Variants in WASHC4 observed in about 807,000 individuals in gnomAD.
WASHC4 encodes the protein WASH complex subunit 4.
A neutral mutation model predicts 166.6 loss-of-function variants in WASHC4; 86 were observed. That is an observed-to-expected ratio of 0.52 (90% CI 0.43 to 0.62). The LOEUF is 0.62. Ranked by LOEUF, WASHC4 falls within the 20% of genes least tolerant of loss-of-function variation. The pLI is 0.00. For synonymous variants in WASHC4, 446 were observed against 451.6 expected, an observed-to-expected ratio of 0.99 and a Z score of 0.16; for missense variants, 1,262 against 1,382.4, an observed-to-expected ratio of 0.91 and a Z score of 1.38.
At chr12:105,128,007 C>T (rs774074504) in intron 13 of WASHC4, among the ~76,000 whole-genome samples, 7 of 152,128 alleles carry the variant, frequency 4.6e-5, no homozygotes, top group Non-Finnish European at 8.8e-5. Context: ...ATCACGTTAA[C>T]TTGGATAAAG....
rs1881261293 is a variant in WASHC4, at chr12:105,126,132, T to G, written c.910+5T>G. ...CAAATGTAGAAGCCAAACTTGGTAA[T>G]GTAAATCGCATTTTTTGGTTTTTGT... is the stretch of plus-strand genomic sequence containing the variant. On this transcript the variant is annotated splice_donor_5th_base_variant and intron_variant, in intron 11 of 32. Transcript: ENST00000332180. The G allele has an allele frequency of 6.2e-7, 1 of 1,612,968 alleles. No homozygotes were observed. The highest frequency in any genetic ancestry group is 1.3e-5 in the African/African-American group (1 of 75,030).
chr12:105,140,837 T>G (rs1015716515), intron 16 of WASHC4, 62 bp from the exon 17 acceptor site: 206 of 1,515,794 alleles, frequency 1.4e-4, no homozygotes, highest in Non-Finnish European at 1.7e-4. Context: ...ATCAAGAAGT[T>G]TTTCTTCTGA....
intron 28 of WASHC4, among the ~76,000 whole-genome samples, chr12:105,158,572 G>A (rs1169727918): frequency 6.6e-6 from 1 of 152,136 alleles, no homozygotes; most frequent in Non-Finnish European, 1.5e-5. Context: ...TAGATTAGGA[G>A]AATAAAGAGA....
chr12:105,157,943 T>C (rs1884280403), intron 28 of WASHC4, among the ~76,000 whole-genome samples: 1 of 152,126 alleles, frequency 6.6e-6, no homozygotes, highest in African/African-American at 2.4e-5. Flanking sequence ...AGAATATGTT[T>C]AGAAAACTGT....
intron 26 of WASHC4, among the ~76,000 whole-genome samples, chr12:105,156,134 G>GGGAT (rs1884147270): frequency 6.6e-6 from 1 of 152,218 alleles, no homozygotes; most frequent in African/African-American, 2.4e-5. Flanking sequence ...AAAGGAGCCA[G>GGGAT]GGATGACTTT....
chr12:105,132,508 C>G (rs979821870), intron 13 of WASHC4, among the ~76,000 whole-genome samples: 2 of 152,178 alleles, frequency 1.3e-5, no homozygotes, highest in Non-Finnish European at 2.9e-5. Flanking sequence ...ATAGCTTAAA[C>G]AGCTTGTGAA....
At chr12:105,150,094 A>G (rs576838024) in intron 25 of WASHC4, among the ~76,000 whole-genome samples, 11 of 152,190 alleles carry the variant, frequency 7.2e-5, no homozygotes, top group Non-Finnish European at 8.8e-5. Context: ...GCTTTCAGAT[A>G]TCTTTGTATA....
chr12:105,142,230 A>G (rs1309429165), intron 18 of WASHC4, among the ~76,000 whole-genome samples: 1 of 152,172 alleles, frequency 6.6e-6, no homozygotes, highest in Non-Finnish European at 1.5e-5. Context: ...ACAAAAGCAT[A>G]TGTGCAGAAT....
intron 13 of WASHC4, among the ~76,000 whole-genome samples, chr12:105,131,795 C>G (rs1250565224): frequency 1.3e-5 from 2 of 152,204 alleles, no homozygotes; most frequent in East Asian, 3.8e-4. Context: ...TAAGCAAAGC[C>G]ACAAAGTATG....
intron 5 of WASHC4, 70 bp from the exon 6 acceptor site, chr12:105,115,591 C>G (rs531892542): frequency 8.5e-7 from 1 of 1,179,210 alleles, no homozygotes; most frequent in South Asian, 1.3e-5. Flanking sequence ...AAAACTTTTC[C>G]CCCTTTTTTG....
Position 105,107,733 on chromosome 12 carries a change from T to G in WASHC4, c.-68T>G, listed in dbSNP as rs929644123. ...GGCCGGAAGTCACGTGCTGTGACAG[T>G]AGCTGGGGTGAGGCCGTCGTCGCCG... On this transcript the variant is annotated 5_prime_UTR_variant, in exon 1 of 33. Coordinates refer to ENST00000332180, the MANE Select transcript of WASHC4 (RefSeq NM_015275.3). 33 of 1,186,406 alleles carry G rather than the reference T, an allele frequency of 2.8e-5. No individual in the cohort carries two copies. The African/African-American group carries it at 4.9e-4, about 18-fold the overall frequency. 73.5% of individuals were successfully genotyped at this position (1,186,406 alleles called of 1,614,324 possible). A position where few individuals can be genotyped will look rare whatever the true frequency, so the allele number is the denominator to read the frequency against.
rs1463653459 is a variant in WASHC4 at position 105,169,022 on chromosome 12, G to GT, written c.*2092dup. On this transcript the variant is annotated 3_prime_UTR_variant, in exon 33 of 33. Coordinates refer to ENST00000332180, the MANE Select transcript of WASHC4 (RefSeq NM_015275.3). ...ACATTGTCAGTTCTAATGAAATTTTGTAAAAGATGGCAAGTTTGTTACCTC... is the reference window on the plus strand; with the variant it reads ...ACATTGTCAGTTCTAATGAAATTTTGTTAAAAGATGGCAAGTTTGTTACCTC... 6.6e-6 allele frequency: 1 copy of GT among 152,530 alleles called. No homozygotes were observed. Among genetic ancestry groups the GT allele is most frequent in the Admixed American group, 6.5e-5 (1 of 15,268 alleles). The allele number at this position is 152,530 out of a possible 1,614,324, so 9.4% of individuals were successfully genotyped here. A position where few individuals can be genotyped will look rare whatever the true frequency, so the allele number is the denominator to read the frequency against.
chr12:105,153,868 T>C (rs1478963548), intron 26 of WASHC4, among the ~76,000 whole-genome samples: 1 of 152,212 alleles, frequency 6.6e-6, no homozygotes, highest in Admixed American at 6.5e-5. Context: ...GTCCTTAAAA[T>C]GCTAGTCATT....
At chr12:105,159,279 G>T (rs1042678339) in intron 28 of WASHC4, among the ~76,000 whole-genome samples, 11 of 152,208 alleles carry the variant, frequency 7.2e-5, no homozygotes, top group Non-Finnish European at 1.6e-4. Context: ...AAAGCTGACT[G>T]CTAGTTGGAA....
rs552825432 is a variant in WASHC4, at chr12:105,124,715, G to C, written c.787-1289G>C. Among the ~76,000 whole-genome samples the C allele has an allele frequency of 2.0e-5, 3 of 151,958 alleles. No homozygotes were observed. In the South Asian group the frequency reaches 6.2e-4, roughly 31 times the overall value. ...AGGCTGGTCTCGAACTCCTGACCTC[G>C]TGATCTGCCCACCTCAGCCTCCCAA... On this transcript the variant is annotated intron_variant, in intron 10 of 32. Coordinates refer to ENST00000332180, the MANE Select transcript of WASHC4 (RefSeq NM_015275.3).
intron 25 of WASHC4, among the ~76,000 whole-genome samples, chr12:105,150,986 A>C (rs1179684110): frequency 6.6e-6 from 1 of 151,658 alleles, no homozygotes; most frequent in Non-Finnish European, 1.5e-5. Flanking sequence ...ACATGTGGGG[A>C]TTATGGGAAC....
intron 26 of WASHC4, among the ~76,000 whole-genome samples, chr12:105,153,501 T>C (rs1318117378): frequency 6.6e-6 from 1 of 152,224 alleles, no homozygotes; most frequent in Non-Finnish European, 1.5e-5. Flanking sequence ...GTCAAATAAG[T>C]ACAAATAAGT....
chr12:105,118,518 A>G lies in WASHC4; in HGVS notation c.508A>G (p.Ile170Val), dbSNP rs1240851954. The change falls in exon 7 of 33, where the codon ATC becomes GTC. Residue 170 changes from isoleucine to valine, a missense_variant. Transcript: ENST00000332180. The stretch of plus-strand genomic sequence containing the variant: ...AGTCCACCAGTTGGCTGCCCTCTAT[A>G]TCAGTAACAAGTAATGGATTTTAGA... ...NVVHQLAALY[I>V]SNKIAPKIIE... 1.9e-6 allele frequency: 3 copies of G among 1,595,644 alleles called. No homozygotes were observed. Among genetic ancestry groups the G allele is most frequent in the African/African-American group, 1.3e-5 (1 of 74,674 alleles).
At position 105,115,168 on chromosome 12, in the gene WASHC4, T is replaced by C. The variant is rs1565993112; in HGVS notation, c.322-16T>C. 7.2e-7 allele frequency: 1 copy of C among 1,382,802 alleles called. No homozygotes were observed. The allele number at this position is 1,382,802 out of a possible 1,614,324, so 85.7% of individuals were successfully genotyped here. ...AACAACCTTTAAAATTATTTTAATT[T>C]TTTTCTTAAAAACAGGCTGAAACTA... On this transcript the variant is annotated splice_polypyrimidine_tract_variant and intron_variant, in intron 4 of 32. Transcript: ENST00000332180.
Sources: gnomAD v4.1 joint callset for allele counts (sites outside exome capture counted in the v4.1 genomes callset) on GRCh38, gnomAD v4.1.1 for gene constraint, MANE v1.5 for transcripts, NCBI Gene and HGNC (gene_info 2026-07-23, HGNC 2026-07-21) for gene names.